The following RGS22 variants were observed in gnomAD, a reference collection of about 807,000 sequenced individuals.
RGS22 encodes regulator of G-protein signaling 22.
In RGS22, 148 loss-of-function variants were observed where a neutral mutation model predicts 172.9. The ratio of observed to expected loss-of-function variants is 0.86; its 90% CI spans 0.75 to 0.98. The LOEUF (loss-of-function observed/expected upper bound fraction) is 0.98. Ranked by LOEUF, RGS22 falls within the 50% of genes least tolerant of loss-of-function variation. The pLI is 0.00. For missense variants in RGS22, 1,347 were observed against 1,440.8 expected, an observed-to-expected ratio of 0.93 and a Z score of 1.05; for synonymous variants, 458 against 480.2, an observed-to-expected ratio of 0.95 and a Z score of 0.60.
chr8:99,997,429 T>C (rs927630809), intron 19 of RGS22, among the ~76,000 whole-genome samples: 1 of 152,186 alleles, frequency 6.6e-6, no homozygotes, highest in Non-Finnish European at 1.5e-5. Flanking sequence ...TTGAGGAGAT[T>C]TGAGTTTTCC....
chr8:99,997,736 A>G (rs981025829), intron 19 of RGS22, among the ~76,000 whole-genome samples: 1 of 152,208 alleles, frequency 6.6e-6, no homozygotes, highest in Admixed American at 6.5e-5. Context: ...ACCTAAAAAC[A>G]AGGTGTGCTA....
At chr8:99,963,709 T>G (rs983886561) in intron 24 of RGS22, among the ~76,000 whole-genome samples, 1 of 152,162 alleles carries the variant, frequency 6.6e-6, no homozygotes, top group Non-Finnish European at 1.5e-5. Flanking sequence ...ATATATGTAA[T>G]CTAGAGATGA....
intron 14 of RGS22, among the ~76,000 whole-genome samples, chr8:100,016,776 CA>C (rs1052907396): frequency 5.9e-5 from 9 of 151,436 alleles, no homozygotes; most frequent in Non-Finnish European, 4.4e-5. Flanking sequence ...GACTCCGTCT[CA>C]AAAAAATAAG....
At chr8:100,057,867 A>C (rs965431352) in intron 9 of RGS22, among the ~76,000 whole-genome samples, 3 of 152,212 alleles carry the variant, frequency 2.0e-5, no homozygotes, top group African/African-American at 7.2e-5. Flanking sequence ...AAATGAATGA[A>C]ATATGGCAAC....
chr8:100,095,043 C>T (rs1812858456), intron 2 of RGS22, among the ~76,000 whole-genome samples: 1 of 152,198 alleles, frequency 6.6e-6, no homozygotes. Context: ...TATTTCATAG[C>T]ACCTGGTGGA....
At chr8:99,971,801 T>C (rs1336923903) in intron 23 of RGS22, among the ~76,000 whole-genome samples, 3 of 152,094 alleles carry the variant, frequency 2.0e-5, no homozygotes, top group Non-Finnish European at 4.4e-5. Context: ...GAAGAATCAA[T>C]ATCATGAAAA....
chr8:99,987,013 C>G (rs1010070321), intron 21 of RGS22, among the ~76,000 whole-genome samples: 1 of 152,062 alleles, frequency 6.6e-6, no homozygotes, highest in African/African-American at 2.4e-5. Flanking sequence ...GGTTGAGTAT[C>G]CCTTATCTGA....
chr8:100,054,613 TA>T (rs1822051918), intron 9 of RGS22, among the ~76,000 whole-genome samples: 1 of 152,038 alleles, frequency 6.6e-6, no homozygotes, highest in African/African-American at 2.4e-5. Flanking sequence ...TAAAAAATTT[TA>T]AAAATAAAAT....
rs1166830111 is a variant in RGS22, at chr8:100,044,498, C to T, written c.1824-2582G>A. On this transcript the variant is annotated intron_variant, in intron 11 of 27. Transcript: ENST00000360863. Reference sequence around the variant, plus strand: ...CTAACCTCAAGTGATCCACCCACTTCGGCCTCCCAAAGTGCTGGAATTACA... The same window carrying T: ...CTAACCTCAAGTGATCCACCCACTTTGGCCTCCCAAAGTGCTGGAATTACA... Among the ~76,000 whole-genome samples the T allele has an allele frequency of 3.9e-5, 6 of 152,194 alleles. 1 individual carries two copies. The highest frequency in any genetic ancestry group is 3.3e-4 in the Admixed American group (5 of 15,292).
At chr8:100,049,712 C>G (rs1821081393) in intron 10 of RGS22, among the ~76,000 whole-genome samples, 1 of 152,098 alleles carries the variant, frequency 6.6e-6, no homozygotes, top group South Asian at 2.1e-4. Flanking sequence ...ATGTGGTCCC[C>G]AAAGCAGCAG....
At chr8:100,099,402 A>T (rs576796163) in intron 2 of RGS22, among the ~76,000 whole-genome samples, 1 of 152,286 alleles carries the variant, frequency 6.6e-6, no homozygotes, top group East Asian at 1.9e-4. Flanking sequence ...CCCATTCTAT[A>T]CTTTACAGGT....
chr8:100,008,154 C>G (rs1012676433), intron 15 of RGS22, among the ~76,000 whole-genome samples: 2 of 151,890 alleles, frequency 1.3e-5, no homozygotes, highest in African/African-American at 4.8e-5. Flanking sequence ...TCTCCTGCCT[C>G]AGACTCCCAA....
chr8:100,089,312 A>G (rs1229399840), intron 3 of RGS22, among the ~76,000 whole-genome samples: 1 of 152,086 alleles, frequency 6.6e-6, no homozygotes, highest in Non-Finnish European at 1.5e-5. Flanking sequence ...AGCCCATTTA[A>G]TTGTTAGAAA....
chr8:99,978,886 C>T lies in RGS22; in HGVS notation c.3361-811G>A, dbSNP rs568973447. Among the ~76,000 whole-genome samples the T allele has an allele frequency of 9.2e-5, 14 of 152,238 alleles. 1 individual carries two copies. The South Asian group carries it at 2.9e-3, about 32-fold the overall frequency. On this transcript the variant is annotated intron_variant, in intron 22 of 27. Coordinates refer to ENST00000360863, the MANE Select transcript of RGS22 (RefSeq NM_015668.5). The stretch of plus-strand genomic sequence containing the variant: ...ACCATCCCATTAGGCTCCAAGCCAA[C>T]TCATAGGGGAAAAGAGGAATCTTTA...
At chr8:100,090,717 A>G (rs1028527598) in intron 3 of RGS22, among the ~76,000 whole-genome samples, 1 of 152,162 alleles carries the variant, frequency 6.6e-6, no homozygotes, top group Non-Finnish European at 1.5e-5. Flanking sequence ...GGTATCTCAG[A>G]GAAGAGCATG....
chr8:100,037,014 G>A (rs1367402944), intron 14 of RGS22, among the ~76,000 whole-genome samples: 3 of 152,066 alleles, frequency 2.0e-5, no homozygotes, highest in South Asian at 4.1e-4. Context: ...ATAAAGAAAC[G>A]AACAGCATTT....
intron 14 of RGS22, among the ~76,000 whole-genome samples, chr8:100,010,512 C>T (rs12334713): frequency 0.19 from 29,231 of 151,900 alleles, 3,040 homozygotes; most frequent in African/African-American, 0.26. Flanking sequence ...CATGGATTTC[C>T]CCTCCTCTAG....
chr8:100,018,989 C>CAAAAAA (rs5893504), intron 14 of RGS22, among the ~76,000 whole-genome samples: 4 of 146,912 alleles, frequency 2.7e-5, no homozygotes, highest in African/African-American at 2.5e-5. Flanking sequence ...ATGTCAAAAG[C>CAAAAAA]AAAAAAAAAA....
chr8:99,988,170 TTA>T (rs778350124), intron 20 of RGS22, among the ~76,000 whole-genome samples: 1 of 151,458 alleles, frequency 6.6e-6, no homozygotes. Flanking sequence ...TGAGACATCT[TTA>T]TGTTATTTTT....
Sources: allele counts gnomAD v4.1 joint callset (sites outside exome capture counted in the v4.1 genomes callset), GRCh38; gene constraint gnomAD v4.1.1; transcripts MANE v1.5; gene names NCBI Gene and HGNC (gene_info 2026-07-23, HGNC 2026-07-21).